Variants in DCLRE1C observed in about 807,000 individuals in gnomAD.
DCLRE1C encodes DNA cross-link repair 1C, also known as protein artemis.
In DCLRE1C, 47 loss-of-function variants were observed where a neutral mutation model predicts 61.4. The ratio of observed to expected loss-of-function variants is 0.77; its 90% CI spans 0.61 to 0.98. DCLRE1C has a LOEUF of 0.98. Among genes scored for constraint, DCLRE1C ranks in the 50% least tolerant of loss-of-function variants. DCLRE1C has a pLI of 0.00. For missense variants in DCLRE1C, 858 were observed against 816.0 expected, an observed-to-expected ratio of 1.05 and a Z score of -0.63; for synonymous variants, 337 against 287.6, an observed-to-expected ratio of 1.17 and a Z score of -1.74.
intron 8 of DCLRE1C, among the ~76,000 whole-genome samples, chr10:14,933,384 C>T (rs1839345147): frequency 6.6e-6 from 1 of 152,208 alleles, no homozygotes; most frequent in Non-Finnish European, 1.5e-5. Flanking sequence ...TGCCTGTATT[C>T]CCAGCACTTT....
chr10:14,948,985 A>T, intron 2 of DCLRE1C, 51 bp downstream of exon 2: 5 of 1,261,958 alleles, frequency 4.0e-6, no homozygotes, highest in Non-Finnish European at 5.8e-6. Flanking sequence ...TACAGTTGTT[A>T]TCTCTCAATT....
chr10:14,935,644 A>G lies in DCLRE1C; in HGVS notation c.363-80T>C, dbSNP rs531545066. ...AGCAAATACATGTGAGCTGCATACTAAATGCTTCCTGCAAACATATCCATT... is the reference window on the plus strand; with the variant it reads ...AGCAAATACATGTGAGCTGCATACTGAATGCTTCCTGCAAACATATCCATT... On this transcript the variant is annotated intron_variant, in intron 5 of 13. Transcript: ENST00000378278. 27 of 1,326,942 alleles carry G rather than the reference A, an allele frequency of 2.0e-5. No homozygotes were observed. The East Asian group carries it at 6.3e-4, about 31-fold the overall frequency. The allele number at this position is 1,326,942 out of a possible 1,614,324, so 82.2% of individuals were successfully genotyped here. A position where few individuals can be genotyped will look rare whatever the true frequency, so the allele number is the denominator to read the frequency against.
intron 4 of DCLRE1C, 34 bp from the exon 5 acceptor site, chr10:14,936,627 A>G: frequency 6.5e-7 from 1 of 1,528,596 alleles, no homozygotes. Flanking sequence ...TAGTAATGGA[A>G]AGCAGTTATC....
At position 14,932,958 on chromosome 10, in the gene DCLRE1C, A is replaced by G. The variant is rs186192379; in HGVS notation, c.679-3T>C. On this transcript the variant is annotated splice_polypyrimidine_tract_variant and splice_region_variant and intron_variant, in intron 8 of 13. Coordinates refer to ENST00000378278, the MANE Select transcript of DCLRE1C (RefSeq NM_001033855.3). ...ATGTCTAGCTTATTCACATGAACCT[A>G]AGGCAAATAATACATACATGCAAAT... The G allele has an allele frequency of 2.0e-5, 33 of 1,613,770 alleles. No homozygotes were observed. The East Asian group carries it at 7.1e-4, about 35-fold the overall frequency.
intron 5 of DCLRE1C, 128 bp from the exon 6 acceptor site, chr10:14,935,692 C>T (rs1427509992): frequency 1.0e-5 from 10 of 973,272 alleles, no homozygotes; most frequent in Non-Finnish European, 1.4e-5. Flanking sequence ...TAATGGAATT[C>T]CACAGTAATT....
In DCLRE1C at chr10:14,951,389, CAAAAAAAAAAAAAAAA is replaced by C. The variant is rs60272216; in HGVS notation, c.110-2318_110-2303del. On this transcript the variant is annotated intron_variant, in intron 1 of 13. Coordinates refer to ENST00000378278, the MANE Select transcript of DCLRE1C (RefSeq NM_001033855.3). ...TGGGTGACAGAGCAAAACCCTGTCT[CAAAAAAAAAAAAAAAA>C]AAAAAAAAAAAAAAAAGGAAGTGAT... 6.6e-3 allele frequency among the ~76,000 whole-genome samples: 305 copies of C among 46,082 alleles called. 6 individuals carry two copies. Among genetic ancestry groups the C allele is most frequent in the Admixed American group, 0.062 (163 of 2,626 alleles). 30.2% of individuals were successfully genotyped at this position (46,082 alleles called of 152,430 possible). A position where few individuals can be genotyped will look rare whatever the true frequency, so the allele number is the denominator to read the frequency against.
rs200326708 is a variant in DCLRE1C, at chr10:14,930,276, AC to A, written c.781-2125del. On this transcript the variant is annotated intron_variant, in intron 9 of 13. Transcript: ENST00000378278. ...CCAGGCATGCACCACCACACTCAGC[AC>A]CTTTTTTTTTTTTTTTTTTTTTTTT... Among the ~76,000 whole-genome samples the A allele has an allele frequency of 3.5e-3, 260 of 74,336 alleles. 4 individuals carry two copies. The highest frequency in any genetic ancestry group is 0.014 in the African/African-American group (243 of 17,502). The allele number at this position is 74,336 out of a possible 152,430, so 48.8% of individuals were successfully genotyped here.
chr10:14,944,824 G>A (rs1589134996), intron 3 of DCLRE1C, among the ~76,000 whole-genome samples: 2 of 151,678 alleles, frequency 1.3e-5, no homozygotes, highest in African/African-American at 2.4e-5. Flanking sequence ...ACAAGTGTGT[G>A]CCACGACACC....
chr10:14,942,788 G>T (rs1195847614), intron 3 of DCLRE1C, among the ~76,000 whole-genome samples: 1 of 152,076 alleles, frequency 6.6e-6, no homozygotes, highest in Non-Finnish European at 1.5e-5. Context: ...TTGTCAGCTT[G>T]CCCAAATGTG....
chr10:14,937,204 T>C (rs1176036438), intron 4 of DCLRE1C, among the ~76,000 whole-genome samples: 1 of 151,874 alleles, frequency 6.6e-6, no homozygotes, highest in Non-Finnish European at 1.5e-5. Flanking sequence ...CTTGGGGTGC[T>C]GAAAATATTC....
Position 14,899,188 on chromosome 10 carries a change from G to C in DCLRE1C, c.1281C>G (p.Tyr427Ter), listed in dbSNP as rs775971463. ...ACTAAATCATTAGCTGGGCATGGCG[G>C]TATGCACCTGTGATCCAGCTAGTCA... Residue 427 changes from tyrosine to a stop codon, truncating the protein, a stop_gained, in exon 14 of 14, where the codon TAC becomes TAG. Coordinates refer to the DCLRE1C transcript ENST00000378289. LOFTEE classifies it high-confidence loss of function. The C allele has an allele frequency of 2.8e-6, 2 of 701,814 alleles. No homozygotes were observed. The highest frequency in any genetic ancestry group is 4.0e-5 in the Admixed American group (2 of 49,960). The allele number at this position is 701,814 out of a possible 1,614,324, so 43.5% of individuals were successfully genotyped here. A position where few individuals can be genotyped will look rare whatever the true frequency, so the allele number is the denominator to read the frequency against.
chr10:14,949,981 G>A (rs926362317), intron 1 of DCLRE1C, among the ~76,000 whole-genome samples: 1 of 152,028 alleles, frequency 6.6e-6, no homozygotes, highest in Non-Finnish European at 1.5e-5. Context: ...GGAGGTAGAG[G>A]TTGCAGTGAG....
At chr10:14,922,945 G>C in intron 12 of DCLRE1C, 36 bp downstream of exon 12, 1 of 1,476,212 alleles carries the variant, frequency 6.8e-7, no homozygotes, top group Non-Finnish European at 9.5e-7. Flanking sequence ...GAGCCACCAA[G>C]GGGGACACCA....
In DCLRE1C at chr10:14,906,435, A is replaced by G. The variant is rs1834399769; in HGVS notation, c.*1973T>C. ...TATAAAACAAACGTAACAGTATGTA[A>G]TATTAATGTGATTATAAAATAACAG... is the stretch of plus-strand genomic sequence containing the variant. On this transcript the variant is annotated 3_prime_UTR_variant, in exon 14 of 14. Coordinates refer to ENST00000378278, the MANE Select transcript of DCLRE1C (RefSeq NM_001033855.3). Among the ~76,000 whole-genome samples, 1 of 152,280 alleles carries G rather than the reference A, an allele frequency of 6.6e-6. No homozygotes were observed. Among genetic ancestry groups the G allele is most frequent in the African/African-American group, 2.4e-5 (1 of 41,482 alleles).
chr10:14,914,809 G>A (rs114017351), intron 13 of DCLRE1C, among the ~76,000 whole-genome samples: 114 of 152,184 alleles, frequency 7.5e-4, no homozygotes, highest in South Asian at 6.0e-3. Context: ...GTATGGTGGC[G>A]TGAGCCTGTA....
intron 4 of DCLRE1C, 141 bp from the exon 5 acceptor site, chr10:14,936,734 C>T: frequency 1.5e-6 from 1 of 657,478 alleles, no homozygotes; most frequent in Non-Finnish European, 2.8e-6. Context: ...ACTCCAAATC[C>T]TAGAAACAAG....
At position 14,932,590 on chromosome 10, in the gene DCLRE1C, C is replaced by T. The variant is rs41297956; in HGVS notation, c.780+264G>A. Among the ~76,000 whole-genome samples the T allele has an allele frequency of 2.9e-3, 434 of 151,840 alleles. 2 individuals carry two copies. Among genetic ancestry groups the T allele is most frequent in the African/African-American group, 9.8e-3 (406 of 41,410 alleles). On this transcript the variant is annotated intron_variant, in intron 9 of 13. Coordinates refer to ENST00000378278, the MANE Select transcript of DCLRE1C (RefSeq NM_001033855.3). ...GGCGGAGCTTGCAGTGAGCCTAGAT[C>T]GCACCACTGCACTCCAGCCTGGGCG...
At chr10:14,914,305 T>C (rs2131832556) in intron 13 of DCLRE1C, among the ~76,000 whole-genome samples, 1 of 152,322 alleles carries the variant, frequency 6.6e-6, no homozygotes, top group East Asian at 1.9e-4. Context: ...AAGATAAAGG[T>C]ATCAATCCCT....
chr10:14,948,949 T>A (rs1842073355), intron 2 of DCLRE1C, 87 bp downstream of exon 2: 2 of 925,076 alleles, frequency 2.2e-6, no homozygotes, highest in East Asian at 5.0e-5. Context: ...TAAATGACTA[T>A]ATGCTTGGAT....
Sources: allele counts gnomAD v4.1 joint callset (sites outside exome capture counted in the v4.1 genomes callset), GRCh38; gene constraint gnomAD v4.1.1; transcripts MANE v1.5; gene names NCBI Gene and HGNC (gene_info 2026-07-23, HGNC 2026-07-21).